Variants in CCDC154 observed in about 807,000 individuals in gnomAD.
The protein encoded by CCDC154 is coiled-coil domain containing 154, also known as coiled-coil domain-containing protein 154.
A neutral mutation model predicts 87.5 loss-of-function variants in CCDC154; 91 were observed. That is an observed-to-expected ratio of 1.04 (90% CI 0.88 to 1.24). The LOEUF is 1.24. CCDC154 is among the 50% of genes most tolerant of loss of function. The pLI, the probability that CCDC154 is intolerant of heterozygous loss-of-function variation, is 0.00. For synonymous variants in CCDC154, 418 were observed against 400.4 expected, an observed-to-expected ratio of 1.04 and a Z score of -0.52; for missense variants, 903 against 879.2, an observed-to-expected ratio of 1.03 and a Z score of -0.34.
Position 1,443,858 on chromosome 16 carries a change from C to T in CCDC154, c.162G>A (p.Pro54=), listed in dbSNP as rs374701402. The T allele has an allele frequency of 8.4e-5, 109 of 1,304,208 alleles. No homozygotes were observed. The highest frequency in any genetic ancestry group is 9.2e-5 in the Non-Finnish European group (91 of 989,022). 80.8% of individuals were successfully genotyped at this position (1,304,208 alleles called of 1,614,324 possible). A position where few individuals can be genotyped will look rare whatever the true frequency, so the allele number is the denominator to read the frequency against. Residue 54 remains proline, a synonymous_variant, in exon 2 of 17, where the codon CCG becomes CCA. Transcript: ENST00000389176. Reference sequence around the variant, plus strand: ...GCTCGGGGACAGAGGCCGTGGATGTCGGATGGCTGGACTCATACCTCTCCG... The same window carrying T: ...GCTCGGGGACAGAGGCCGTGGATGTTGGATGGCTGGACTCATACCTCTCCG... ...ELSERYESSH[P]TSTASVPEQD...
intron 6 of CCDC154, among the ~76,000 whole-genome samples, 193 bp downstream of exon 6, chr16:1,442,213 A>G (rs1292696550): frequency 6.6e-6 from 1 of 152,220 alleles, no homozygotes. Context: ...ACCGTGCCCA[A>G]ACAACCTGAA....
intron 1 of CCDC154, 95 bp from the exon 2 acceptor site, chr16:1,444,107 C>T: frequency 9.2e-7 from 1 of 1,089,618 alleles, no homozygotes; most frequent in Non-Finnish European, 1.2e-6. Context: ...GACCCTCGCC[C>T]ACCACCCAGA....
intron 11 of CCDC154, 150 bp downstream of exon 11, chr16:1,437,667 T>G: frequency 1.0e-6 from 1 of 955,330 alleles, no homozygotes; most frequent in Non-Finnish European, 1.5e-6. Context: ...GGGCTCGGGG[T>G]CTCCCAGGCC....
Position 1,438,719 on chromosome 16 carries a change from G to T in CCDC154, c.925C>A (p.Gln309Lys), listed in dbSNP as rs1257755798. ...GQHEESHLLEQCQGLDAAVAQ... is the reference protein window; with the variant it reads ...GQHEESHLLEKCQGLDAAVAQ... ...ACGGCAGCATCCAGGCCCTGGCACTGCTCCAGGAGGTGGCTCTCCTGCCAG... is the reference window on the plus strand; with the variant it reads ...ACGGCAGCATCCAGGCCCTGGCACTTCTCCAGGAGGTGGCTCTCCTGCCAG... The change falls in exon 9 of 17, where the codon CAG becomes AAG. Residue 309 changes from glutamine (Q) to lysine (K), a missense_variant. Physicochemically the swap from Gln to Lys is moderately conservative, Grantham distance 53. Transcript: ENST00000389176. The T allele has an allele frequency of 6.5e-7, 1 of 1,549,832 alleles. No individual in the cohort carries two copies. The highest frequency in any genetic ancestry group is 1.2e-5 in the South Asian group (1 of 84,060).
At chr16:1,443,719 G>A (rs761600451) in intron 2 of CCDC154, 24 bp from the exon 3 acceptor site, 291 of 1,300,830 alleles carry the variant, frequency 2.2e-4, no homozygotes, top group Middle Eastern at 6.9e-4. Flanking sequence ...GAGTGGGCGA[G>A]TCTGGCGGTG....
At position 1,437,771 on chromosome 16, in the gene CCDC154, GGGACTCCCCATAGCCCCGCCTGCCCCC is replaced by G. The variant is rs1427837829; in HGVS notation, c.1290+19_1290+45del. 4.0e-6 allele frequency: 6 copies of G among 1,494,678 alleles called. No homozygotes were observed. Among genetic ancestry groups the G allele is most frequent in the Non-Finnish European group, 5.4e-6 (6 of 1,120,172 alleles). 92.6% of individuals were successfully genotyped at this position (1,494,678 alleles called of 1,614,324 possible). A position where few individuals can be genotyped will look rare whatever the true frequency, so the allele number is the denominator to read the frequency against. ...TGGTGGGCTGAGAGCTGGAGGGGTG[GGGACTCCCCATAGCCCCGCCTGCCCCC>G]GCCCGCTGCCTGGCGCACCTCGGAC... is the stretch of plus-strand genomic sequence containing the variant. On this transcript the variant is annotated intron_variant, in intron 11 of 16. Coordinates refer to ENST00000389176, the MANE Select transcript of CCDC154 (RefSeq NM_001143980.3).
At position 1,437,736 on chromosome 16, in the gene CCDC154, C is replaced by A. The variant is rs1191507191; in HGVS notation, c.1290+81G>T. ...GGGACCGGCCTGTCAGGCCTCTACC[C>A]TGGGGGCAGTGGTGGGCTGAGAGCT... On this transcript the variant is annotated intron_variant, in intron 11 of 16. Coordinates refer to ENST00000389176, the MANE Select transcript of CCDC154 (RefSeq NM_001143980.3). 1.0e-5 allele frequency: 15 copies of A among 1,443,966 alleles called. No individual in the cohort carries two copies. The East Asian group carries it at 3.8e-4, about 36-fold the overall frequency. 89.4% of individuals were successfully genotyped at this position (1,443,966 alleles called of 1,614,324 possible).
Position 1,438,602 on chromosome 16 carries a change from G to C in CCDC154, c.1025+17C>G. On this transcript the variant is annotated intron_variant, in intron 9 of 16. Coordinates refer to ENST00000389176, the MANE Select transcript of CCDC154 (RefSeq NM_001143980.3). ...GGTCCCCCCGCCTGACAGCACCTGA[G>C]GCCCCAGGACACCCACCAGGCTTTC... is the stretch of plus-strand genomic sequence containing the variant. 1 of 1,545,404 alleles carries C rather than the reference G, an allele frequency of 6.5e-7. No individual in the cohort carries two copies. Among genetic ancestry groups the C allele is most frequent in the Non-Finnish European group, 8.8e-7 (1 of 1,142,840 alleles).
intron 9 of CCDC154, 42 bp downstream of exon 9, chr16:1,438,577 G>T (rs758008469): frequency 3.4e-5 from 52 of 1,514,062 alleles, no homozygotes; most frequent in Non-Finnish European, 4.7e-5. Flanking sequence ...GGACATCAGG[G>T]GTCCCCCCGC....
chr16:1,440,187 C>G (rs570911669), intron 6 of CCDC154, among the ~76,000 whole-genome samples: 1 of 140,710 alleles, frequency 7.1e-6, no homozygotes, highest in African/African-American at 2.7e-5. Context: ...AGGTGGCTCA[C>G]GCCTGAAATC....
chr16:1,443,492 G>A lies in CCDC154; in HGVS notation c.414+14C>T. On this transcript the variant is annotated intron_variant, in intron 3 of 16. Coordinates refer to ENST00000389176, the MANE Select transcript of CCDC154 (RefSeq NM_001143980.3). ...AAAGGGGCAGCTCGACCTGTGGGTG[G>A]GGGAGCCGCTCACCTCCGGCGCCTC... 6.9e-7 allele frequency: 1 copy of A among 1,452,360 alleles called. No homozygotes were observed. Among genetic ancestry groups the A allele is most frequent in the Non-Finnish European group, 9.0e-7 (1 of 1,111,912 alleles). 90.0% of individuals were successfully genotyped at this position (1,452,360 alleles called of 1,614,324 possible). A position where few individuals can be genotyped will look rare whatever the true frequency, so the allele number is the denominator to read the frequency against.
rs548697069 is a variant in CCDC154, at chr16:1,442,444, T to C, written c.637A>G (p.Ser213Gly). 1.3e-5 allele frequency: 20 copies of C among 1,550,106 alleles called. No homozygotes were observed. The highest frequency in any genetic ancestry group is 1.4e-5 in the African/African-American group (1 of 73,162). The change falls in exon 6 of 17, where the codon AGC becomes GGC. Residue 213 changes from serine (S) to glycine (G), a missense_variant. Physicochemically the swap from Ser to Gly is moderately conservative, Grantham distance 56 (BLOSUM62 0). Transcript: ENST00000389176. ...ACCTCCAGGTCCACCCTCCGGCTGCTGTCCTCTTGGTTCTTCTGCAGGGCG... is the reference window on the plus strand; with the variant it reads ...ACCTCCAGGTCCACCCTCCGGCTGCCGTCCTCTTGGTTCTTCTGCAGGGCG... ...CGALQKNQED[S>G]SRRVDLEVAR...
At chr16:1,444,234 C>T (rs914359181) in intron 1 of CCDC154, 82 bp downstream of exon 1, 1 of 1,255,358 alleles carries the variant, frequency 8.0e-7, no homozygotes, top group Non-Finnish European at 1.0e-6. Flanking sequence ...CTGGAGGGAG[C>T]CCGGGGTCAG....
In CCDC154 at chr16:1,442,593, AC is replaced by A. The variant is rs2038561932; in HGVS notation, c.552-65del. The stretch of plus-strand genomic sequence containing the variant: ...CGGAGGGCCCAGCAGGGTGAGGCTG[AC>A]CCACAGGCTGGCCAGGCAGGAGGTG... On this transcript the variant is annotated intron_variant, in intron 5 of 16. Coordinates refer to ENST00000389176, the MANE Select transcript of CCDC154 (RefSeq NM_001143980.3). 3.4e-6 allele frequency: 5 copies of A among 1,458,046 alleles called. No homozygotes were observed. The East Asian group carries it at 1.0e-4, about 29-fold the overall frequency. The allele number at this position is 1,458,046 out of a possible 1,614,324, so 90.3% of individuals were successfully genotyped here. A position where few individuals can be genotyped will look rare whatever the true frequency, so the allele number is the denominator to read the frequency against.
chr16:1,434,791 G>A lies in CCDC154; in HGVS notation c.1754C>T (p.Pro585Leu), dbSNP rs563664794. The A allele has an allele frequency of 3.4e-5, 53 of 1,540,734 alleles. No homozygotes were observed. The highest frequency in any genetic ancestry group is 9.5e-5 in the South Asian group (8 of 83,782). Reference sequence around the variant, plus strand: ...CTTCCAGCTGCCCAGCGGCGTCCGCGGGCCCTCCTCACTCCACAGCCGGAG... The same window carrying A: ...CTTCCAGCTGCCCAGCGGCGTCCGCAGGCCCTCCTCACTCCACAGCCGGAG... Reference protein sequence around the residue: ...SVLRLWSEEGPRTPLGSWKAL... With the variant: ...SVLRLWSEEGLRTPLGSWKAL... Residue 585 changes from proline to leucine, a missense_variant, in exon 16 of 17, where the codon CCG (proline) becomes CTG (leucine). Pro to Leu is a moderately conservative substitution (Grantham distance 98). Coordinates refer to ENST00000389176, the MANE Select transcript of CCDC154 (RefSeq NM_001143980.3).
intron 6 of CCDC154, 124 bp from the exon 7 acceptor site, chr16:1,439,250 G>A (rs2038530002): frequency 1.2e-6 from 1 of 868,894 alleles, no homozygotes; most frequent in Non-Finnish European, 1.8e-6. Flanking sequence ...GCCCGGCTGA[G>A]CTGGGCCTGC....
chr16:1,437,717 G>C (rs1024692527), intron 11 of CCDC154, 100 bp downstream of exon 11: 4 of 1,358,938 alleles, frequency 2.9e-6, no homozygotes, highest in Admixed American at 2.7e-5. Context: ...GCTTGGGACC[G>C]GCCTGTCAGG....
chr16:1,443,666 C>A lies in CCDC154; in HGVS notation c.254G>T (p.Cys85Phe). The A allele has an allele frequency of 3.1e-6, 4 of 1,302,646 alleles. No homozygotes were observed. The highest frequency in any genetic ancestry group is 4.0e-6 in the Non-Finnish European group (4 of 1,005,014). The allele number at this position is 1,302,646 out of a possible 1,614,324, so 80.7% of individuals were successfully genotyped here. A position where few individuals can be genotyped will look rare whatever the true frequency, so the allele number is the denominator to read the frequency against. Reference sequence around the variant, plus strand: ...ACAGCGCTGCTTGTGCTCCCGCAGGCAGGCCACCTCGGCCTGCAGCTCCAC... The same window carrying A: ...ACAGCGCTGCTTGTGCTCCCGCAGGAAGGCCACCTCGGCCTGCAGCTCCAC... ...WVVELQAEVA[C>F]LREHKQRCER... is the part of the protein sequence containing the mutation. The change falls in exon 3 of 17, where the codon TGC (cysteine) becomes TTC (phenylalanine). Residue 85 changes from cysteine (C) to phenylalanine (F), a missense_variant. Transcript: ENST00000389176.
At chr16:1,443,161 A>G in intron 4 of CCDC154, 100 bp downstream of exon 4, 1 of 1,428,610 alleles carries the variant, frequency 7.0e-7, no homozygotes, top group African/African-American at 1.4e-5. Flanking sequence ...CACTCCAGCG[A>G]CACCCAGCGG....
Sources: allele counts gnomAD v4.1 joint callset (sites outside exome capture counted in the v4.1 genomes callset), GRCh38; gene constraint gnomAD v4.1.1; transcripts MANE v1.5; gene names NCBI Gene and HGNC (gene_info 2026-07-23, HGNC 2026-07-21).